HMGCLL1: variants seen among roughly 807,000 people sequenced by gnomAD.
The protein encoded by HMGCLL1 is 3-hydroxymethyl-3-methylglutaryl-CoA lyase, cytoplasmic.
Under a neutral mutation model 39.1 loss-of-function variants are expected in HMGCLL1, and 36 were observed. The observed-to-expected ratio is 0.92, with a 90% CI of 0.71 to 1.22. The LOEUF (loss-of-function observed/expected upper bound fraction) is 1.22. Among genes scored for constraint, HMGCLL1 ranks in the 50% most tolerant of loss-of-function variants. HMGCLL1 has a pLI of 0.00. For missense variants in HMGCLL1, 451 were observed against 416.5 expected (o/e 1.08, Z -0.72); for synonymous variants, 149 against 144.0 (o/e 1.03, Z -0.25).
the HMGCLL1 span, among the ~76,000 whole-genome samples, chr6:55,643,269 G>A: frequency 2.6e-5 from 4 of 152,054 alleles, no homozygotes; most frequent in African/African-American, 9.7e-5. Context: ...TAGTGTGTAA[G>A]TGTCCCCTTT....
At chr6:55,674,389 C>A in the HMGCLL1 span, among the ~76,000 whole-genome samples, 2,131 of 149,434 alleles carry the variant, frequency 0.014, 44 homozygotes, top group African/African-American at 0.049. Context: ...AGCAAGAATC[C>A]GTGTCTTAAA....
rs140212668 is a variant in HMGCLL1, at chr6:55,453,171, T to C, written c.796-13612A>G. 2.5e-4 allele frequency among the ~76,000 whole-genome samples: 38 copies of C among 152,056 alleles called. No homozygotes were observed. The East Asian group carries it at 6.4e-3, about 26-fold the overall frequency. On this transcript the variant is annotated intron_variant, in intron 7 of 8. Coordinates refer to ENST00000274901, the MANE Select transcript of HMGCLL1 (RefSeq NM_001042406.2). ...AAGAAGTTTGTTGTTGTTGTTGTTG[T>C]TTGTTGTTGGTTTTGTTTTGTTTTT...
chr6:55,619,469 G>T, the HMGCLL1 span, among the ~76,000 whole-genome samples: 2 of 151,924 alleles, frequency 1.3e-5, no homozygotes, highest in Non-Finnish European at 2.9e-5. Context: ...GGGTTCTGTT[G>T]ACTACTTATA....
At position 55,495,442 on chromosome 6, in the gene HMGCLL1, C is replaced by G; in HGVS notation, c.772G>C (p.Ala258Pro). 6.2e-7 allele frequency: 1 copy of G among 1,613,830 alleles called. No individual in the cohort carries two copies. The highest frequency in any genetic ancestry group is 8.5e-7 in the Non-Finnish European group (1 of 1,179,864). The part of the protein sequence containing the change: ...HCHDTYGQAL[A>P]NILTALQMGI... Reference sequence around the variant, plus strand: ...ACCTGAAGGGCCGTAAGGATATTTGCTAAGGCTTGTCCGTATGTGTCATGA... The same window carrying G: ...ACCTGAAGGGCCGTAAGGATATTTGGTAAGGCTTGTCCGTATGTGTCATGA... The change falls in exon 7 of 9, where the codon GCA becomes CCA. Residue 258 changes from alanine (A) to proline (P), a missense_variant. Coordinates refer to ENST00000274901, the MANE Select transcript of HMGCLL1 (RefSeq NM_001042406.2).
chr6:55,617,948 TA>T, the HMGCLL1 span, among the ~76,000 whole-genome samples: 1 of 151,896 alleles, frequency 6.6e-6, no homozygotes, highest in African/African-American at 2.4e-5. Flanking sequence ...TACACAGCAA[TA>T]AAAAAACATA....
Position 55,491,928 on chromosome 6 carries a change from TA to T in HMGCLL1, c.795+3490del, listed in dbSNP as rs536222939. ...TCCCATAAATCATATATTTAAGTAATAAAAAAAAAATAAAACCCAGGAACCC... is the reference window on the plus strand; with the variant it reads ...TCCCATAAATCATATATTTAAGTAATAAAAAAAAATAAAACCCAGGAACCC... On this transcript the variant is annotated intron_variant, in intron 7 of 8. Transcript: ENST00000274901. 6.2e-3 allele frequency among the ~76,000 whole-genome samples: 924 copies of T among 149,272 alleles called. 5 individuals are homozygous for T. The highest frequency in any genetic ancestry group is 0.021 in the Middle Eastern group (6 of 292).
chr6:55,506,204 A>T (rs1767154710), intron 5 of HMGCLL1, among the ~76,000 whole-genome samples: 1 of 151,698 alleles, frequency 6.6e-6, no homozygotes, highest in Admixed American at 6.6e-5. Context: ...ACTGGTTCAG[A>T]CTGACTTTTA....
the HMGCLL1 span, among the ~76,000 whole-genome samples, chr6:55,584,343 C>G: frequency 1.3e-5 from 2 of 152,130 alleles, no homozygotes; most frequent in African/African-American, 4.8e-5. Context: ...GGATTTAACT[C>G]AGAGCCTGAG....
At chr6:55,517,631 A>C (rs1255002735) in intron 3 of HMGCLL1, among the ~76,000 whole-genome samples, 3 of 151,912 alleles carry the variant, frequency 2.0e-5, no homozygotes, top group African/African-American at 7.2e-5. Context: ...AAATCCAAAC[A>C]AAAAATGCTT....
At position 55,495,585 on chromosome 6, in the gene HMGCLL1, A is replaced by C; in HGVS notation, c.629T>G (p.Met210Arg). The C allele has an allele frequency of 6.2e-7, 1 of 1,610,356 alleles. No individual in the cohort carries two copies. The highest frequency in any genetic ancestry group is 8.5e-7 in the Non-Finnish European group (1 of 1,178,214). Reference sequence around the variant, plus strand: ...TCCTAGAGAGATCTCATAACAACCCATGCCGTACAATCTCTTAGACACCTG... The same window carrying C: ...TCCTAGAGAGATCTCATAACAACCCCTGCCGTACAATCTCTTAGACACCTG... The part of the protein sequence containing the change: ...VTEVSKRLYG[M>R]GCYEISLGDT... Residue 210 changes from methionine (M) to arginine (R), a missense_variant, in exon 7 of 9, where the codon ATG (methionine) becomes AGG (arginine). Transcript: ENST00000274901.
At chr6:55,456,363 A>C (rs1318063761) in intron 7 of HMGCLL1, among the ~76,000 whole-genome samples, 1 of 152,230 alleles carries the variant, frequency 6.6e-6, no homozygotes, top group South Asian at 2.1e-4. Context: ...ATGAAAATAT[A>C]TGAGATAAAA....
the HMGCLL1 span, among the ~76,000 whole-genome samples, chr6:55,621,820 T>A: frequency 2.6e-5 from 4 of 152,122 alleles, no homozygotes; most frequent in Non-Finnish European, 4.4e-5. Context: ...GGCTTTCATC[T>A]TTTACCCTTT....
At chr6:55,627,877 T>C in the HMGCLL1 span, among the ~76,000 whole-genome samples, 1 of 64,932 alleles carries the variant, frequency 1.5e-5, no homozygotes. Context: ...CTTAATAAAC[T>C]CCCTTATATA....
intron 7 of HMGCLL1, among the ~76,000 whole-genome samples, chr6:55,486,804 G>A (rs1766057257): frequency 6.6e-6 from 1 of 152,042 alleles, no homozygotes; most frequent in South Asian, 2.1e-4. Flanking sequence ...AAATAATAGA[G>A]ATTTATTTCT....
chr6:55,653,627 T>A, the HMGCLL1 span, among the ~76,000 whole-genome samples: 1 of 151,908 alleles, frequency 6.6e-6, no homozygotes, highest in Non-Finnish European at 1.5e-5. Flanking sequence ...TAGAATTAAT[T>A]TTTGAGAATC....
At chr6:55,519,882 G>A (rs1398077849) in intron 3 of HMGCLL1, among the ~76,000 whole-genome samples, 4 of 151,822 alleles carry the variant, frequency 2.6e-5, no homozygotes, top group Admixed American at 2.6e-4. Context: ...AGATAATCTT[G>A]GCCTATATTT....
At chr6:55,478,113 T>C (rs1030908078) in intron 7 of HMGCLL1, among the ~76,000 whole-genome samples, 1 of 151,118 alleles carries the variant, frequency 6.6e-6, no homozygotes, top group Middle Eastern at 3.2e-3. Context: ...TTTCATAGTT[T>C]ATATAATTTT....
intron 3 of HMGCLL1, among the ~76,000 whole-genome samples, chr6:55,522,184 A>C (rs1412553634): frequency 6.6e-6 from 1 of 151,972 alleles, no homozygotes. Flanking sequence ...TGTATGATAA[A>C]TTATTACTTT....
intron 3 of HMGCLL1, among the ~76,000 whole-genome samples, chr6:55,520,246 T>TAATAAATAAATAAATA (rs34163936): frequency 3.9e-4 from 56 of 143,962 alleles, no homozygotes; most frequent in South Asian, 1.3e-3. Context: ...TAAAGTATAA[T>TAATAAATAAATAAATA]AATAAATAAA....
Sources: gnomAD v4.1 joint callset for allele counts (sites outside exome capture counted in the v4.1 genomes callset) on GRCh38, gnomAD v4.1.1 for gene constraint, MANE v1.5 for transcripts, NCBI Gene and HGNC (gene_info 2026-07-23, HGNC 2026-07-21) for gene names.